ERCC6L2: variants seen among roughly 807,000 people sequenced by gnomAD.
ERCC6L2 encodes the protein DNA excision repair protein ERCC-6-like 2.
In ERCC6L2, 77 loss-of-function variants were observed where a neutral mutation model predicts 132.0. That is an observed-to-expected ratio of 0.58 (90% CI 0.49 to 0.71). The LOEUF (loss-of-function observed/expected upper bound fraction) is 0.71, where lower values mean the gene tolerates loss of function less well. ERCC6L2 is among the 30% of genes least tolerant of loss of function. The pLI, the probability that ERCC6L2 is intolerant of heterozygous loss-of-function variation, is 0.00. For synonymous variants in ERCC6L2, 583 were observed against 632.4 expected (o/e 0.92, Z 1.17); for missense variants, 1,542 against 1,837.6 (o/e 0.84, Z 2.94).
chr9:95,921,279 T>C lies in ERCC6L2; in HGVS notation c.1263T>C (p.Cys421=). ...TTCAATCTTCTGAGCCTTGTACCTG[T>C]AGGAGTGGCCAAAAAAGGAGAAATT... The part of the protein sequence containing the change: ...LILQSSEPCT[C]RSGQKRRNCC... The change falls in exon 7 of 19, where the codon TGT becomes TGC. Residue 421 remains cysteine, a synonymous_variant. Transcript: ENST00000653738. The C allele has an allele frequency of 6.2e-7, 1 of 1,613,066 alleles. No homozygotes were observed. Among genetic ancestry groups the C allele is most frequent in the Non-Finnish European group, 8.5e-7 (1 of 1,179,546 alleles).
In ERCC6L2 at chr9:95,908,706, C is replaced by T. The variant is rs372964273; in HGVS notation, c.788+1435C>T. Among the ~76,000 whole-genome samples the T allele has an allele frequency of 4.9e-4, 75 of 152,102 alleles. No individual in the cohort carries two copies. In the East Asian group the frequency reaches 7.9e-3, roughly 16 times the overall value. On this transcript the variant is annotated intron_variant, in intron 4 of 18. Coordinates refer to ENST00000653738, the MANE Select transcript of ERCC6L2 (RefSeq NM_020207.7). ...TGTCTCTACAGGGATACAATTTATA[C>T]CTTTTAGGTGAAGATTAAAGCATGG... is the stretch of plus-strand genomic sequence containing the variant.
At chr9:95,889,454 T>C (rs1828044428) in intron 2 of ERCC6L2, among the ~76,000 whole-genome samples, 1 of 151,936 alleles carries the variant, frequency 6.6e-6, no homozygotes, top group Admixed American at 6.6e-5. Flanking sequence ...AAAAAGAGTA[T>C]ATCTGTCAAT....
chr9:95,904,776 C>T (rs1000335328), intron 3 of ERCC6L2, among the ~76,000 whole-genome samples: 16 of 152,084 alleles, frequency 1.1e-4, no homozygotes, highest in African/African-American at 3.6e-4. Flanking sequence ...TCTTCTATGC[C>T]GTGGTTCCTG....
At chr9:96,000,698 T>C (rs572030556) in intron 17 of ERCC6L2, among the ~76,000 whole-genome samples, 10 of 151,944 alleles carry the variant, frequency 6.6e-5, no homozygotes, top group Non-Finnish European at 8.8e-5. Flanking sequence ...CTTTGGGAGG[T>C]TGAGGCAGGA....
At chr9:95,957,960 T>C (rs1172377531) in intron 13 of ERCC6L2, among the ~76,000 whole-genome samples, 1 of 151,712 alleles carries the variant, frequency 6.6e-6, no homozygotes, top group East Asian at 2.0e-4. Flanking sequence ...ATGTGCCATG[T>C]TGGTGTGCTG....
intron 2 of ERCC6L2, among the ~76,000 whole-genome samples, chr9:95,891,050 T>C (rs1828134150): frequency 6.6e-6 from 1 of 152,140 alleles, no homozygotes; most frequent in African/African-American, 2.4e-5. Flanking sequence ...CTGTCTCTAC[T>C]AAAAATACAA....
At chr9:95,882,976 C>A (rs543402151) in intron 2 of ERCC6L2, among the ~76,000 whole-genome samples, 2 of 152,280 alleles carry the variant, frequency 1.3e-5, no homozygotes, top group African/African-American at 2.4e-5. Flanking sequence ...CCCAACAGTC[C>A]CACAGACAGT....
intron 2 of ERCC6L2, among the ~76,000 whole-genome samples, chr9:95,891,200 T>G (rs569712584): frequency 4.1e-4 from 62 of 152,242 alleles, no homozygotes; most frequent in African/African-American, 1.3e-3. Context: ...GCAACAAGTG[T>G]GTCCCTAACT....
At position 96,015,031 on chromosome 9, in the gene ERCC6L2, T is replaced by TTTTG. The variant is rs1834155714; in HGVS notation, c.*1831_*1832insGTTT. On this transcript the variant is annotated 3_prime_UTR_variant, in exon 19 of 19. Transcript: ENST00000653738. ...ATATGTACAGTTTTTTTTTTTTTTT[T>TTTTG]TTTTTTTTTGAGATTGAGTCTCACT... Among the ~76,000 whole-genome samples, 2 of 134,596 alleles carry TTTTG rather than the reference T, an allele frequency of 1.5e-5. No homozygotes were observed. The highest frequency in any genetic ancestry group is 7.5e-5 in the Admixed American group (1 of 13,306). 88.3% of individuals were successfully genotyped at this position (134,596 alleles called of 152,430 possible). A position where few individuals can be genotyped will look rare whatever the true frequency, so the allele number is the denominator to read the frequency against.
Position 95,876,046 on chromosome 9 carries a change from C to T in ERCC6L2, c.8C>T (p.Pro3Leu), listed in dbSNP as rs151308487. 6.9e-6 allele frequency: 11 copies of T among 1,588,662 alleles called. No individual in the cohort carries two copies. In the Admixed American group the frequency reaches 7.0e-5, roughly 10 times the overall value. The change falls in exon 1 of 19, where the codon CCG (proline) becomes CTG (leucine). Residue 3 changes from proline to leucine, a missense_variant. Physicochemically the swap from Pro to Leu is moderately conservative, Grantham distance 98. This residue lies in a region of ERCC6L2 where 153 missense variants were observed against 132.3 expected (regional missense o/e 1.16). Transcript: ENST00000653738. ...GCCCCTCCCCCTGGCCGGATGGATC[C>T]GTCGGCGCCACAGCCCCGCGCGGAA... MD[P>L]SAPQPRAETS...
intron 18 of ERCC6L2, among the ~76,000 whole-genome samples, chr9:96,011,716 C>G (rs1834031230): frequency 6.6e-6 from 1 of 152,114 alleles, no homozygotes; most frequent in East Asian, 1.9e-4. Context: ...TTGGGCTCAT[C>G]AAAAAGTCTT....
chr9:96,033,913 C>T (rs1426220859), intron 19 of ERCC6L2, among the ~76,000 whole-genome samples: 1 of 152,186 alleles, frequency 6.6e-6, no homozygotes, highest in Non-Finnish European at 1.5e-5. Context: ...GCCAGGAAGA[C>T]CATCACCTGC....
At chr9:95,952,840 TA>T (rs34446922) in intron 12 of ERCC6L2, among the ~76,000 whole-genome samples, 4,905 of 139,484 alleles carry the variant, frequency 0.035, 221 homozygotes, top group African/African-American at 0.11. Context: ...TCCGTCTCAA[TA>T]AAAAAAAAAA....
rs1834087938 is a variant in ERCC6L2 at position 96,013,035 on chromosome 9, C to T, written c.4485C>T (p.Asp1495=). 2 of 1,367,490 alleles carry T rather than the reference C, an allele frequency of 1.5e-6. No individual in the cohort carries two copies. The highest frequency in any genetic ancestry group is 2.0e-6 in the Non-Finnish European group (2 of 1,021,850). 84.7% of individuals were successfully genotyped at this position (1,367,490 alleles called of 1,614,324 possible). ...ATGAGAGTCTTAGTAAACTCACAGA[C>T]TTGGCAGTAATAGAGACTCTGTGTG... The part of the protein sequence containing the change: ...QNDESLSKLT[D]LAVIETLCEK... The change falls in exon 19 of 19, where the codon GAC becomes GAT. Residue 1495 remains aspartate (D), a synonymous_variant. Transcript: ENST00000653738.
chr9:95,948,791 GAA>G (rs55712485), intron 12 of ERCC6L2, among the ~76,000 whole-genome samples: 22 of 104,062 alleles, frequency 2.1e-4, no homozygotes, highest in East Asian at 9.7e-4. Flanking sequence ...CAAGACATTA[GAA>G]AAAAAAAAAA....
At position 95,923,262 on chromosome 9, in the gene ERCC6L2, A is replaced by G. The variant is rs751758210; in HGVS notation, c.1416A>G (p.Glu472=). Residue 472 remains glutamate (E), a splice_region_variant and synonymous_variant, in exon 9 of 19, where the codon GAA becomes GAG. Coordinates refer to ENST00000653738, the MANE Select transcript of ERCC6L2 (RefSeq NM_020207.7). The stretch of plus-strand genomic sequence containing the variant: ...TTCTTCTGCCTTTTCCCTTCAAGGA[A>G]ACACTTATCAAAAGGATATGTGATC... ...LQAASTSKQQ[E]TLIKRICDQV... is the part of the protein sequence containing the mutation. 2.5e-6 allele frequency: 4 copies of G among 1,613,148 alleles called. No individual in the cohort carries two copies. The Admixed American group carries it at 6.7e-5, about 27-fold the overall frequency.
At chr9:95,999,222 G>A (rs533202706) in intron 17 of ERCC6L2, among the ~76,000 whole-genome samples, 72 of 152,222 alleles carry the variant, frequency 4.7e-4, no homozygotes, top group Middle Eastern at 3.4e-3. Context: ...TTAGCCAGGC[G>A]TGGTGGTGGG....
intron 19 of ERCC6L2, among the ~76,000 whole-genome samples, chr9:96,030,049 G>T (rs1834433556): frequency 6.6e-6 from 1 of 152,190 alleles, no homozygotes; most frequent in African/African-American, 2.4e-5. Context: ...GTCGAGTGGG[G>T]ACTTGGAGAA....
chr9:95,973,789 C>G lies in ERCC6L2; in HGVS notation c.3337+701C>G, dbSNP rs575154992. Among the ~76,000 whole-genome samples, 6 of 152,252 alleles carry G rather than the reference C, an allele frequency of 3.9e-5. No individual in the cohort carries two copies. The East Asian group carries it at 1.2e-3, about 29-fold the overall frequency. On this transcript the variant is annotated intron_variant, in intron 16 of 18. Transcript: ENST00000653738. ...AACCATATCACTAGGTATTATGGTT[C>G]AGTCTCATCCATTTTGTAAAAATAT...
Sources: gnomAD v4.1 joint callset for allele counts (sites outside exome capture counted in the v4.1 genomes callset) on GRCh38, gnomAD v4.1.1 for gene constraint, gnomAD v4.1.1 regional missense constraint, MANE v1.5 for transcripts, NCBI Gene and HGNC (gene_info 2026-07-23, HGNC 2026-07-21) for gene names.